SNTN: variants seen among roughly 807,000 people sequenced by gnomAD.
The protein encoded by SNTN is sentan, cilia apical structure protein.
In SNTN, 13 loss-of-function variants were observed where a neutral mutation model predicts 12.3. That is an observed-to-expected ratio of 1.05 (90% CI 0.69 to 1.67). The LOEUF (loss-of-function observed/expected upper bound fraction) is 1.67, where lower values mean the gene tolerates loss of function less well. Ranked by LOEUF, SNTN falls within the 40% of genes most tolerant of loss-of-function variation. The pLI is 0.00. For synonymous variants in SNTN, 69 were observed against 58.5 expected (o/e 1.18, Z -0.82); for missense variants, 189 against 169.8 (o/e 1.11, Z -0.63).
chr3:63,654,226 T>G (rs968103623), intron 1 of SNTN, among the ~76,000 whole-genome samples: 2 of 152,200 alleles, frequency 1.3e-5, no homozygotes, highest in African/African-American at 2.4e-5. Flanking sequence ...ATACCCAGAT[T>G]CTTAGTTAGG....
intron 2 of SNTN, among the ~76,000 whole-genome samples, chr3:63,657,129 A>G (rs1700688426): frequency 6.6e-6 from 1 of 152,206 alleles, no homozygotes; most frequent in African/African-American, 2.4e-5. Flanking sequence ...CCCCAGAACT[A>G]TCACAGGGCC....
rs201609342 is a variant in SNTN at position 63,663,905 on chromosome 3, C to T, written c.286-32C>T. On this transcript the variant is annotated intron_variant, in intron 3 of 3. Transcript: ENST00000343837. ...ATCTGTAAACCTAAAGTCTATACAA[C>T]GAATTCGGTTTTTATTTCTCCATTC... 8.9e-5 allele frequency: 142 copies of T among 1,603,286 alleles called. No homozygotes were observed. The South Asian group carries it at 9.8e-4, about 11-fold the overall frequency.
chr3:63,660,386 A>G (rs1700730932), intron 3 of SNTN, among the ~76,000 whole-genome samples: 1 of 152,144 alleles, frequency 6.6e-6, no homozygotes, highest in African/African-American at 2.4e-5. Flanking sequence ...GCCAGGAACT[A>G]TGTCTACGTC....
chr3:63,652,775 G>A lies in SNTN; in HGVS notation c.88G>A (p.Ala30Thr), dbSNP rs753635859. The A allele has an allele frequency of 7.1e-5, 115 of 1,614,006 alleles. No homozygotes were observed. In the East Asian group the frequency reaches 8.9e-4, roughly 13 times the overall value. Residue 30 changes from alanine to threonine, a missense_variant, in exon 1 of 4, where the codon GCA becomes ACA. Ala to Thr is a moderately conservative substitution (Grantham distance 58). Transcript: ENST00000343837. ...TTCTGCAGCCCCAACATCCACCTGCGCACCTAGGAAAATGCCCAAAAGGTC... is the reference window on the plus strand; with the variant it reads ...TTCTGCAGCCCCAACATCCACCTGCACACCTAGGAAAATGCCCAAAAGGTC... ...NPSAAPTSTCAPRKMPKRISI... is the reference protein window; with the variant it reads ...NPSAAPTSTCTPRKMPKRISI...
At chr3:63,662,708 AG>A (rs1211692199) in intron 3 of SNTN, among the ~76,000 whole-genome samples, 1 of 152,188 alleles carries the variant, frequency 6.6e-6, no homozygotes, top group Non-Finnish European at 1.5e-5. Context: ...CCTCTTGAGG[AG>A]AAACAGCCTA....
rs1300076682 is a variant in SNTN at position 63,664,092 on chromosome 3, A to G, written c.441A>G (p.Lys147=). 1.2e-6 allele frequency: 2 copies of G among 1,604,428 alleles called. No individual in the cohort carries two copies. Among genetic ancestry groups the G allele is most frequent in the South Asian group, 2.3e-5 (2 of 88,634 alleles). Residue 147 remains lysine, a synonymous_variant, in exon 4 of 4, where the codon AAA becomes AAG. Transcript: ENST00000343837. ...LQNIRNVKIM[K] Reference sequence around the variant, plus strand: ...ATATACGGAATGTAAAAATTATGAAATGAACAGTTTTAAATATGCTGTATA... The same window carrying G: ...ATATACGGAATGTAAAAATTATGAAGTGAACAGTTTTAAATATGCTGTATA...
chr3:63,664,516 G>A lies in SNTN; in HGVS notation c.*421G>A, dbSNP rs1479698443. ...TTGCAGAAGTCTAGCAGAAGAGATA[G>A]ACATTGAACAATTTTTAAATAATTG... is the stretch of plus-strand genomic sequence containing the variant. On this transcript the variant is annotated 3_prime_UTR_variant, in exon 4 of 4. Transcript: ENST00000343837. 6.4e-6 allele frequency: 1 copy of A among 155,702 alleles called. No homozygotes were observed. Among genetic ancestry groups the A allele is most frequent in the Non-Finnish European group, 1.4e-5 (1 of 70,636 alleles). The allele number at this position is 155,702 out of a possible 1,614,324, so 9.6% of individuals were successfully genotyped here.
At chr3:63,655,058 C>T (rs1700661864) in intron 2 of SNTN, among the ~76,000 whole-genome samples, 1 of 152,134 alleles carries the variant, frequency 6.6e-6, no homozygotes, top group South Asian at 2.1e-4. Flanking sequence ...ATTCAGCGTT[C>T]TTCCCACCAT....
In SNTN at chr3:63,664,026, C is replaced by G. The variant is rs762708802; in HGVS notation, c.375C>G (p.Ile125Met). The change falls in exon 4 of 4, where the codon ATC (isoleucine) becomes ATG (methionine). Residue 125 changes from isoleucine to methionine, a missense_variant. Coordinates refer to ENST00000343837, the MANE Select transcript of SNTN (RefSeq NM_001080537.2). The stretch of plus-strand genomic sequence containing the variant: ...AGCTAGATTTTGAAGACTTCATGAT[C>G]TTGCTCTTAAGCATCACTGTCATGT... ...ENKLDFEDFM[I>M]LLLSITVMSD... 1 of 1,613,888 alleles carries G rather than the reference C, an allele frequency of 6.2e-7. No homozygotes were observed. The highest frequency in any genetic ancestry group is 1.1e-5 in the South Asian group (1 of 91,030).
At position 63,660,364 on chromosome 3, in the gene SNTN, T is replaced by G. The variant is rs141471945; in HGVS notation, c.285+500T>G. Among the ~76,000 whole-genome samples the G allele has an allele frequency of 7.6e-4, 115 of 152,050 alleles. 3 individuals carry two copies. The highest frequency in any genetic ancestry group is 2.7e-3 in the African/African-American group (111 of 41,490). ...CAAATCTTACAGAAGCATAGCCTGATAGCAAGAGGAAGCCAGGAACTATGT... is the reference window on the plus strand; with the variant it reads ...CAAATCTTACAGAAGCATAGCCTGAGAGCAAGAGGAAGCCAGGAACTATGT... On this transcript the variant is annotated intron_variant, in intron 3 of 3. Transcript: ENST00000343837.
chr3:63,659,921 T>C, intron 3 of SNTN, 57 bp downstream of exon 3: 1 of 1,596,918 alleles, frequency 6.3e-7, no homozygotes, highest in Non-Finnish European at 8.6e-7. Flanking sequence ...GCTGACCCAA[T>C]GAGCAAATAA....
chr3:63,664,164 T>C lies in SNTN; in HGVS notation c.*69T>C. The C allele has an allele frequency of 6.4e-6, 9 of 1,403,354 alleles. 1 individual carries two copies. The highest frequency in any genetic ancestry group is 8.6e-6 in the Non-Finnish European group (9 of 1,046,788). The allele number at this position is 1,403,354 out of a possible 1,614,324, so 86.9% of individuals were successfully genotyped here. A position where few individuals can be genotyped will look rare whatever the true frequency, so the allele number is the denominator to read the frequency against. ...TTATTAAAATGTTTCCATCTTATTT[T>C]TGATTAATTGAATATATCTATCATG... On this transcript the variant is annotated 3_prime_UTR_variant, in exon 4 of 4. Coordinates refer to ENST00000343837, the MANE Select transcript of SNTN (RefSeq NM_001080537.2).
chr3:63,659,745 C>G lies in SNTN; in HGVS notation c.166C>G (p.Leu56Val), dbSNP rs1007656111. 3 of 1,613,932 alleles carry G rather than the reference C, an allele frequency of 1.9e-6. No individual in the cohort carries two copies. Among genetic ancestry groups the G allele is most frequent in the African/African-American group, 2.7e-5 (2 of 75,022 alleles). ...CCTAGCTCTGAGGAAGTGCTCAGAT[C>G]TGGAAAAAGCTATTGCCACCACTGC... Reference protein sequence around the residue: ...SVKALRKCSDLEKAIATTALI... With the variant: ...SVKALRKCSDVEKAIATTALI... The change falls in exon 3 of 4, where the codon CTG becomes GTG. Residue 56 changes from leucine (L) to valine (V), a missense_variant. Physicochemically the swap from Leu to Val is conservative, Grantham distance 32. Transcript: ENST00000343837.
At position 63,664,188 on chromosome 3, in the gene SNTN, T is replaced by C. The variant is rs1004648469; in HGVS notation, c.*93T>C. The C allele has an allele frequency of 5.5e-6, 7 of 1,275,646 alleles. No individual in the cohort carries two copies. Among genetic ancestry groups the C allele is most frequent in the Non-Finnish European group, 7.4e-6 (7 of 940,894 alleles). The allele number at this position is 1,275,646 out of a possible 1,614,324, so 79.0% of individuals were successfully genotyped here. ...TTTGATTAATTGAATATATCTATCATGCATCTGAAATTGCCTAGGATGGTT... is the reference window on the plus strand; with the variant it reads ...TTTGATTAATTGAATATATCTATCACGCATCTGAAATTGCCTAGGATGGTT... On this transcript the variant is annotated 3_prime_UTR_variant, in exon 4 of 4. Coordinates refer to ENST00000343837, the MANE Select transcript of SNTN (RefSeq NM_001080537.2).
chr3:63,662,900 T>C (rs944083791), intron 3 of SNTN, among the ~76,000 whole-genome samples: 7 of 152,230 alleles, frequency 4.6e-5, no homozygotes, highest in Admixed American at 1.3e-4. Flanking sequence ...AAGCTGTGAT[T>C]TGAAATTAAA....
chr3:63,656,238 G>C (rs1053860791), intron 2 of SNTN, among the ~76,000 whole-genome samples: 5 of 152,172 alleles, frequency 3.3e-5, no homozygotes, highest in Non-Finnish European at 5.9e-5. Flanking sequence ...AGCAGGTGAG[G>C]AGGAAGAGGC....
Position 63,652,779 on chromosome 3 carries a change from C to T in SNTN, c.92C>T (p.Pro31Leu). The stretch of plus-strand genomic sequence containing the variant: ...GCAGCCCCAACATCCACCTGCGCAC[C>T]TAGGAAAATGCCCAAAAGGTCAGTG... ...PSAAPTSTCA[P>L]RKMPKRISIS... The change falls in exon 1 of 4, where the codon CCT becomes CTT. Residue 31 changes from proline (P) to leucine (L), a missense_variant. Coordinates refer to ENST00000343837, the MANE Select transcript of SNTN (RefSeq NM_001080537.2). 3.1e-6 allele frequency: 5 copies of T among 1,613,976 alleles called. No individual in the cohort carries two copies. Among genetic ancestry groups the T allele is most frequent in the Non-Finnish European group, 3.4e-6 (4 of 1,179,920 alleles).
chr3:63,657,748 T>C (rs1157380770), intron 2 of SNTN, among the ~76,000 whole-genome samples: 1 of 152,206 alleles, frequency 6.6e-6, no homozygotes, highest in Non-Finnish European at 1.5e-5. Flanking sequence ...ACAATCACGA[T>C]GGGGATGCCC....
In SNTN at chr3:63,664,349, G is replaced by C; in HGVS notation, c.*254G>C. 1 of 357,486 alleles carries C rather than the reference G, an allele frequency of 2.8e-6. No individual in the cohort carries two copies. Among genetic ancestry groups the C allele is most frequent in the Non-Finnish European group, 5.1e-6 (1 of 197,974 alleles). The allele number at this position is 357,486 out of a possible 1,614,324, so 22.1% of individuals were successfully genotyped here. The stretch of plus-strand genomic sequence containing the variant: ...CACTGAATAATAAATGGCTTTTGCT[G>C]AGTCAGTAGCGACCTAGAGCACTCT... On this transcript the variant is annotated 3_prime_UTR_variant, in exon 4 of 4. Transcript: ENST00000343837.
Sources: gnomAD v4.1 joint callset for allele counts (sites outside exome capture counted in the v4.1 genomes callset) on GRCh38, gnomAD v4.1.1 for gene constraint, MANE v1.5 for transcripts, NCBI Gene and HGNC (gene_info 2026-07-23, HGNC 2026-07-21) for gene names.